The following OR2A12 variants were observed in gnomAD, a reference collection of about 807,000 sequenced individuals.
The protein encoded by OR2A12 is olfactory receptor family 2 subfamily A member 12, also known as olfactory receptor 2A12.
For synonymous variants in OR2A12, 153 were observed against 149.3 expected, an observed-to-expected ratio of 1.02 and a Z score of -0.18; for missense variants, 380 against 372.5, an observed-to-expected ratio of 1.02 and a Z score of -0.17.
rs2051268060 is a variant in OR2A12 at position 144,096,853 on chromosome 7, C to T, written c.*813C>T. 1 of 151,984 alleles carries T rather than the reference C, an allele frequency of 6.6e-6. No individual in the cohort carries two copies. The highest frequency in any genetic ancestry group is 6.6e-5 in the Admixed American group (1 of 15,264). 9.4% of individuals were successfully genotyped at this position (151,984 alleles called of 1,614,324 possible). ...CTTTCTAAACAGAATCTACCAAAAACAAAACAAAAATAAAAACAAAGCAGA... is the reference window on the plus strand; with the variant it reads ...CTTTCTAAACAGAATCTACCAAAAATAAAACAAAAATAAAAACAAAGCAGA... On this transcript the variant is annotated 3_prime_UTR_variant, in exon 2 of 2. Transcript: ENST00000641592.
At chr7:144,090,017 A>G (rs2128802371) in intron 1 of OR2A12, among the ~76,000 whole-genome samples, 1 of 152,314 alleles carries the variant, frequency 6.6e-6, no homozygotes, top group Admixed American at 6.5e-5. Flanking sequence ...TTGTATATCC[A>G]ATAATATCTT....
Position 144,095,920 on chromosome 7 carries a change from G to T in OR2A12, c.813G>T (p.Lys271Asn). 2 of 1,614,100 alleles carry T rather than the reference G, an allele frequency of 1.2e-6. No individual in the cohort carries two copies. The highest frequency in any genetic ancestry group is 1.7e-6 in the Non-Finnish European group (2 of 1,180,006). ...CAAGCCATTCTCAAGAACGGAGGAA[G>T]ATCCTTTCCCTGTTTTACAGCCTTT... ...PKSSHSQERRKILSLFYSLFN... is the reference protein window; with the variant it reads ...PKSSHSQERRNILSLFYSLFN... Residue 271 changes from lysine (K) to asparagine (N), a missense_variant, in exon 2 of 2, where the codon AAG (lysine) becomes AAT (asparagine). Physicochemically the swap from Lys to Asn is moderately conservative, Grantham distance 94 (BLOSUM62 0). Coordinates refer to ENST00000641592, the MANE Select transcript of OR2A12 (RefSeq NM_001004135.2).
At position 144,095,942 on chromosome 7, in the gene OR2A12, C is replaced by A. The variant is rs80128486; in HGVS notation, c.835C>A (p.Leu279Ile). The stretch of plus-strand genomic sequence containing the variant: ...GAAGATCCTTTCCCTGTTTTACAGC[C>A]TTTTCAACCCGATCCTGAACCCCCT... ...RRKILSLFYS[L>I]FNPILNPLIY... Residue 279 changes from leucine (L) to isoleucine (I), a missense_variant, in exon 2 of 2, where the codon CTT (leucine) becomes ATT (isoleucine). Coordinates refer to ENST00000641592, the MANE Select transcript of OR2A12 (RefSeq NM_001004135.2). The A allele has an allele frequency of 4.3e-6, 7 of 1,614,050 alleles. No individual in the cohort carries two copies. The South Asian group carries it at 5.5e-5, about 13-fold the overall frequency.
At chr7:144,087,624 T>A (rs556390285) in intron 1 of OR2A12, among the ~76,000 whole-genome samples, 1 of 152,226 alleles carries the variant, frequency 6.6e-6, no homozygotes, top group Non-Finnish European at 1.5e-5. Flanking sequence ...TCCCTTTACA[T>A]CCATTTAAAG....
intron 1 of OR2A12, among the ~76,000 whole-genome samples, chr7:144,093,341 C>A (rs997996867): frequency 1.3e-5 from 2 of 152,120 alleles, no homozygotes; most frequent in Non-Finnish European, 2.9e-5. Flanking sequence ...GTGGTGCTTT[C>A]AAAATGTTAT....
chr7:144,095,448 T>C lies in OR2A12; in HGVS notation c.341T>C (p.Leu114Ser). The C allele has an allele frequency of 6.2e-7, 1 of 1,614,040 alleles. No homozygotes were observed. The highest frequency in any genetic ancestry group is 1.1e-5 in the South Asian group (1 of 91,078). The change falls in exon 2 of 2, where the codon TTG becomes TCG. Residue 114 changes from leucine to serine, a missense_variant. Transcript: ENST00000641592. ...LAFAITECLI[L>S]VMMCYDRYVA... ...TTTGCTATTACAGAGTGTCTGATTT[T>C]GGTGATGATGTGCTATGATCGGTAT...
At chr7:144,088,866 T>C (rs2051207857) in intron 1 of OR2A12, among the ~76,000 whole-genome samples, 1 of 152,214 alleles carries the variant, frequency 6.6e-6, no homozygotes, top group Admixed American at 6.5e-5. Context: ...TTAATCAACA[T>C]TAAATAGAAG....
At chr7:144,092,722 A>T (rs1027161186) in intron 1 of OR2A12, among the ~76,000 whole-genome samples, 2 of 151,868 alleles carry the variant, frequency 1.3e-5, no homozygotes, top group African/African-American at 4.8e-5. Flanking sequence ...AAATTAAGGA[A>T]TTTTTTTTCT....
In OR2A12 at chr7:144,097,370, C is replaced by G. The variant is rs763752558; in HGVS notation, c.*1330C>G. 1 of 152,042 alleles carries G rather than the reference C, an allele frequency of 6.6e-6. No homozygotes were observed. The highest frequency in any genetic ancestry group is 1.5e-5 in the Non-Finnish European group (1 of 68,016). The allele number at this position is 152,042 out of a possible 1,614,324, so 9.4% of individuals were successfully genotyped here. On this transcript the variant is annotated 3_prime_UTR_variant, in exon 2 of 2. Transcript: ENST00000641592. ...AGACTATGGTAAATAAATAGATACA[C>G]AATGTGTGGTATGCCAAGTTCTTGG...
chr7:144,093,298 T>C (rs1022930029), intron 1 of OR2A12, among the ~76,000 whole-genome samples: 2 of 152,148 alleles, frequency 1.3e-5, no homozygotes, highest in Admixed American at 6.5e-5. Flanking sequence ...CTATCACATC[T>C]AAATTTAGCC....
rs1485872943 is a variant in OR2A12, at chr7:144,095,278, C to T, written c.171C>T (p.Pro57=). Residue 57 remains proline, a synonymous_variant, in exon 2 of 2, where the codon CCC becomes CCT. Transcript: ENST00000641592. Reference sequence around the variant, plus strand: ...ACTTGGACTCTAGACTGCACACACCCATGTATGTCTTCCTGTCACACCTGG... The same window carrying T: ...ACTTGGACTCTAGACTGCACACACCTATGTATGTCTTCCTGTCACACCTGG... ...LIYLDSRLHT[P]MYVFLSHLAI... The T allele has an allele frequency of 1.2e-6, 2 of 1,614,064 alleles. No individual in the cohort carries two copies. Among genetic ancestry groups the T allele is most frequent in the Admixed American group, 3.3e-5 (2 of 60,012 alleles).
chr7:144,091,900 C>A lies in OR2A12; in HGVS notation c.-51-3157C>A, dbSNP rs899898512. ...TTGCTTTTATTGCAATTGCTTTTGG[C>A]ATCTTCATCATGAAATTTCTGTCCA... On this transcript the variant is annotated intron_variant, in intron 1 of 1. Transcript: ENST00000641592. 1.6e-4 allele frequency among the ~76,000 whole-genome samples: 25 copies of A among 152,024 alleles called. 1 individual carries two copies. The highest frequency in any genetic ancestry group is 2.9e-5 in the Non-Finnish European group (2 of 68,014).
chr7:144,095,901 A>T lies in OR2A12; in HGVS notation c.794A>T (p.His265Leu). 6.2e-7 allele frequency: 1 copy of T among 1,614,106 alleles called. No individual in the cohort carries two copies. Among genetic ancestry groups the T allele is most frequent in the Admixed American group, 1.7e-5 (1 of 60,022 alleles). ...IVMYMAPKSS[H>L]SQERRKILSL... The stretch of plus-strand genomic sequence containing the variant: ...ATGTACATGGCCCCCAAGTCAAGCC[A>T]TTCTCAAGAACGGAGGAAGATCCTT... The change falls in exon 2 of 2, where the codon CAT (histidine) becomes CTT (leucine). Residue 265 changes from histidine (H) to leucine (L), a missense_variant. By Grantham distance (99) the His-to-Leu change is moderately conservative (BLOSUM62 -3). Coordinates refer to ENST00000641592, the MANE Select transcript of OR2A12 (RefSeq NM_001004135.2).
At position 144,095,740 on chromosome 7, in the gene OR2A12, C is replaced by A; in HGVS notation, c.633C>A (p.Cys211Ter). 1 of 1,614,112 alleles carries A rather than the reference C, an allele frequency of 6.2e-7. No individual in the cohort carries two copies. The highest frequency in any genetic ancestry group is 1.1e-5 in the South Asian group (1 of 91,086). The change falls in exon 2 of 2, where the codon TGC (cysteine) becomes TGA (stop). Residue 211 changes from cysteine to a stop codon, truncating the protein, a stop_gained. Transcript: ENST00000641592. LOFTEE classifies it low-confidence loss of function (END_TRUNC). ...GSAFILVGPL[C>*]LVLVSYLHIL... ...CGTTCATCTTAGTGGGGCCGCTCTG[C>A]CTGGTGCTGGTCTCCTACTTGCACA... is the stretch of plus-strand genomic sequence containing the variant.
At chr7:144,094,465 G>T (rs532614035) in intron 1 of OR2A12, among the ~76,000 whole-genome samples, 1 of 152,128 alleles carries the variant, frequency 6.6e-6, no homozygotes. Context: ...TAAGTTCCAG[G>T]TATTACTGTC....
At chr7:144,092,691 G>A (rs1363313154) in intron 1 of OR2A12, among the ~76,000 whole-genome samples, 2 of 151,710 alleles carry the variant, frequency 1.3e-5, no homozygotes, top group African/African-American at 2.4e-5. Context: ...GATTCTGTAG[G>A]TTTTATAGGT....
intron 1 of OR2A12, among the ~76,000 whole-genome samples, chr7:144,091,798 G>C (rs1203017075): frequency 6.6e-6 from 1 of 151,974 alleles, no homozygotes; most frequent in Non-Finnish European, 1.5e-5. Flanking sequence ...CCATTCTGTA[G>C]ATTGTCTATC....
Position 144,097,773 on chromosome 7 carries a change from G to A in OR2A12, c.*1733G>A, listed in dbSNP as rs940691682. Reference sequence around the variant, plus strand: ...GAATGAAAAAGCTTTGAAGTAAATGGTGTTGGGACAACCAAGTCTTTATAA... The same window carrying A: ...GAATGAAAAAGCTTTGAAGTAAATGATGTTGGGACAACCAAGTCTTTATAA... On this transcript the variant is annotated 3_prime_UTR_variant, in exon 2 of 2. Coordinates refer to ENST00000641592, the MANE Select transcript of OR2A12 (RefSeq NM_001004135.2). The A allele has an allele frequency of 5.9e-5, 9 of 152,144 alleles. No homozygotes were observed. The highest frequency in any genetic ancestry group is 1.9e-4 in the African/African-American group (8 of 41,410). 9.4% of individuals were successfully genotyped at this position (152,144 alleles called of 1,614,324 possible). A position where few individuals can be genotyped will look rare whatever the true frequency, so the allele number is the denominator to read the frequency against.
chr7:144,096,806 A>G lies in OR2A12; in HGVS notation c.*766A>G, dbSNP rs1301934282. On this transcript the variant is annotated 3_prime_UTR_variant, in exon 2 of 2. Transcript: ENST00000641592. ...TGACAAGATTTAAGATCAATTCTTT[A>G]TAAGCTAATATCGCAGTAAGACTTT... The G allele has an allele frequency of 1.3e-5, 2 of 152,224 alleles. No homozygotes were observed. The highest frequency in any genetic ancestry group is 2.9e-5 in the Non-Finnish European group (2 of 68,046). The allele number at this position is 152,224 out of a possible 1,614,324, so 9.4% of individuals were successfully genotyped here.
Sources: gnomAD v4.1 joint callset for allele counts (sites outside exome capture counted in the v4.1 genomes callset) on GRCh38, gnomAD v4.1.1 for gene constraint, MANE v1.5 for transcripts, NCBI Gene and HGNC (gene_info 2026-07-23, HGNC 2026-07-21) for gene names.